The following VPS37A variants were observed in gnomAD, a reference collection of about 807,000 sequenced individuals.
VPS37A encodes the protein VPS37A subunit of ESCRT-I, also known as vacuolar protein sorting-associated protein 37A.
Under a neutral mutation model 49.8 loss-of-function variants are expected in VPS37A, and 30 were observed. The observed-to-expected ratio is 0.60, with a 90% CI of 0.45 to 0.82. VPS37A has a LOEUF of 0.82. Ranked by LOEUF, VPS37A falls within the 40% of genes least tolerant of loss-of-function variation. VPS37A has a pLI of 0.00. For synonymous variants in VPS37A, 195 were observed against 160.6 expected (o/e 1.21, Z -1.62); for missense variants, 593 against 464.4 (o/e 1.28, Z -2.55).
the VPS37A span, chr8:17,331,163 C>T: frequency 1.9e-6 from 3 of 1,610,996 alleles, no homozygotes; most frequent in Non-Finnish European, 2.5e-6. Context: ...CCAGCATTTT[C>T]TGCAGACTGT....
At chr8:17,250,546 A>G (rs1811880662) in intron 1 of VPS37A, among the ~76,000 whole-genome samples, 1 of 152,184 alleles carries the variant, frequency 6.6e-6, no homozygotes, top group South Asian at 2.1e-4. Context: ...TAAGCTCAAT[A>G]GGTGAATATC....
chr8:17,268,957 G>A lies in VPS37A; in HGVS notation c.416+1G>A. On this transcript the variant is annotated splice_donor_variant, in intron 4 of 11. Transcript: ENST00000324849. LOFTEE classifies it high-confidence loss of function. ...CTCCTACTTCAACAGCATTTCCTTA[G>A]TAAGTATATTTCTAGTAAATAAAAA... is the stretch of plus-strand genomic sequence containing the variant. 6.3e-7 allele frequency: 1 copy of A among 1,584,774 alleles called. No homozygotes were observed. The highest frequency in any genetic ancestry group is 8.6e-7 in the Non-Finnish European group (1 of 1,162,482).
At chr8:17,288,474 G>C (rs1203728830) in intron 11 of VPS37A, among the ~76,000 whole-genome samples, 1 of 152,050 alleles carries the variant, frequency 6.6e-6, no homozygotes, top group African/African-American at 2.4e-5. Context: ...TGCATTAGTT[G>C]GTTTTCTGTT....
At chr8:17,278,269 C>G (rs1359157511) in intron 6 of VPS37A, among the ~76,000 whole-genome samples, 1 of 151,942 alleles carries the variant, frequency 6.6e-6, no homozygotes, top group Non-Finnish European at 1.5e-5. Context: ...GGTTAAAGCA[C>G]CTGAAATCAT....
At chr8:17,276,518 TA>T (rs779430002) in intron 6 of VPS37A, 51 bp downstream of exon 6, 2 of 1,502,668 alleles carry the variant, frequency 1.3e-6, no homozygotes, top group African/African-American at 2.8e-5. Context: ...TTTGTAAGCA[TA>T]AACCAGATTA....
At chr8:17,316,671 A>G in the VPS37A span, among the ~76,000 whole-genome samples, 3 of 152,228 alleles carry the variant, frequency 2.0e-5, no homozygotes, top group Non-Finnish European at 4.4e-5. Context: ...ATAACAATAC[A>G]ACAAAAAATA....
the VPS37A span, among the ~76,000 whole-genome samples, chr8:17,321,970 C>T: frequency 0.41 from 61,740 of 152,012 alleles, 14,145 homozygotes; most frequent in East Asian, 0.77. Flanking sequence ...TTTCCTATAC[C>T]ACTCTTATTT....
intron 1 of VPS37A, among the ~76,000 whole-genome samples, chr8:17,262,573 A>ATGTG (rs139230717): frequency 0.013 from 1,947 of 147,432 alleles, 28 homozygotes; most frequent in East Asian, 0.077. Flanking sequence ...ACTTTAAAGT[A>ATGTG]TGTGTGTGTG....
In VPS37A at chr8:17,267,634, C is replaced by T. The variant is rs1185920417; in HGVS notation, c.201-624C>T. Among the ~76,000 whole-genome samples the T allele has an allele frequency of 2.6e-5, 4 of 152,250 alleles. No homozygotes were observed. In the East Asian group the frequency reaches 7.7e-4, roughly 29 times the overall value. ...TCAATCCTCCTACTTTACATTTTAT[C>T]CTCTTTAGAAATACAGTAAATAGTG... is the stretch of plus-strand genomic sequence containing the variant. On this transcript the variant is annotated intron_variant, in intron 2 of 11. Transcript: ENST00000324849.
chr8:17,268,978 A>G (rs1171553983), intron 4 of VPS37A, 22 bp downstream of exon 4: 1 of 1,502,424 alleles, frequency 6.7e-7, no homozygotes. Flanking sequence ...TCTAGTAAAT[A>G]AAAAAGTCTG....
At chr8:17,251,992 A>G (rs1302072130) in intron 1 of VPS37A, among the ~76,000 whole-genome samples, 8 of 152,264 alleles carry the variant, frequency 5.3e-5, no homozygotes, top group African/African-American at 1.2e-4. Context: ...TCTTGTTTCT[A>G]TAGAATTCAT....
intron 1 of VPS37A, among the ~76,000 whole-genome samples, chr8:17,251,465 AT>A (rs1453191385): frequency 6.6e-6 from 1 of 152,224 alleles, no homozygotes; most frequent in East Asian, 1.9e-4. Context: ...GACGAATTAC[AT>A]TCCTTCTTTC....
intron 1 of VPS37A, among the ~76,000 whole-genome samples, chr8:17,258,936 G>A (rs1409790802): frequency 6.6e-6 from 1 of 151,958 alleles, no homozygotes; most frequent in Admixed American, 6.6e-5. Context: ...TTATAGTTCT[G>A]TGGTCTCAGT....
chr8:17,274,877 C>T lies in VPS37A; in HGVS notation c.561C>T (p.Thr187=), dbSNP rs1275198665. 2 of 1,614,070 alleles carry T rather than the reference C, an allele frequency of 1.2e-6. No individual in the cohort carries two copies. Among genetic ancestry groups the T allele is most frequent in the Non-Finnish European group, 8.5e-7 (1 of 1,180,002 alleles). The part of the protein sequence containing the change: ...DTVSSSTTSH[T]TAKPAAPSFG... ...TTTCTTCTTCAACAACAAGTCATACCACAGCCAAGCCTGCCGCTCCTTCAT... is the reference window on the plus strand; with the variant it reads ...TTTCTTCTTCAACAACAAGTCATACTACAGCCAAGCCTGCCGCTCCTTCAT... Residue 187 remains threonine, a synonymous_variant, in exon 5 of 12, where the codon ACC becomes ACT. Coordinates refer to ENST00000324849, the MANE Select transcript of VPS37A (RefSeq NM_152415.3).
the VPS37A span, among the ~76,000 whole-genome samples, chr8:17,320,325 A>G: frequency 2.6e-5 from 4 of 152,246 alleles, no homozygotes; most frequent in Non-Finnish European, 5.9e-5. Flanking sequence ...TACCTCTAAA[A>G]TAAAATATGA....
intron 4 of VPS37A, among the ~76,000 whole-genome samples, chr8:17,271,728 A>G (rs551918575): frequency 1.4e-4 from 22 of 152,262 alleles, no homozygotes; most frequent in African/African-American, 4.8e-4. Flanking sequence ...CTGAGAGACA[A>G]TGTCTTTAAG....
At chr8:17,319,838 C>A in the VPS37A span, among the ~76,000 whole-genome samples, 16,855 of 152,108 alleles carry the variant, frequency 0.11, 1,567 homozygotes, top group South Asian at 0.42. Context: ...TCAGCAGGAA[C>A]CAATCTTGGT....
At chr8:17,310,516 G>A in the VPS37A span, among the ~76,000 whole-genome samples, 15,876 of 152,182 alleles carry the variant, frequency 0.1, 1,418 homozygotes, top group South Asian at 0.41. Context: ...AAGAGCCTAA[G>A]GGCAGTGTGT....
chr8:17,298,438 T>TTTATATA (rs1202455747), downstream of VPS37A: 1 of 152,350 alleles, frequency 6.6e-6, no homozygotes, highest in Non-Finnish European at 1.5e-5. Context: ...AATGTTTTCA[T>TTTATATA]TTATATATAT....
Sources: allele counts gnomAD v4.1 joint callset (sites outside exome capture counted in the v4.1 genomes callset), GRCh38; gene constraint gnomAD v4.1.1; transcripts MANE v1.5; gene names NCBI Gene and HGNC (gene_info 2026-07-23, HGNC 2026-07-21).